The following FAM13A variants were observed in gnomAD, a reference collection of about 807,000 sequenced individuals.
FAM13A encodes the protein protein FAM13A.
FAM13A carries 76 observed loss-of-function variants against 129.6 expected under a neutral mutation model. That is an observed-to-expected ratio of 0.59 (90% confidence interval 0.49 to 0.71). The LOEUF is 0.71. Among genes scored for constraint, FAM13A ranks in the 30% least tolerant of loss-of-function variants. The pLI is 0.00. For synonymous variants in FAM13A, 443 were observed against 449.9 expected, an observed-to-expected ratio of 0.98 and a Z score of 0.20; for missense variants, 1,108 against 1,249.3, an observed-to-expected ratio of 0.89 and a Z score of 1.70.
chr4:88,840,817 T>G (rs1215133526), intron 7 of FAM13A, among the ~76,000 whole-genome samples: 1 of 152,196 alleles, frequency 6.6e-6, no homozygotes, highest in Admixed American at 6.5e-5. Flanking sequence ...GTGAGAATCC[T>G]AAATTAGTTT....
At chr4:89,039,785 C>T (rs1560916150) in intron 1 of FAM13A, among the ~76,000 whole-genome samples, 1 of 151,782 alleles carries the variant, frequency 6.6e-6, no homozygotes, top group Non-Finnish European at 1.5e-5. Context: ...CCCATCTCTA[C>T]CAAAAAAAAT....
intron 4 of FAM13A, among the ~76,000 whole-genome samples, chr4:88,968,575 G>GAT (rs1001654406): frequency 6.6e-6 from 1 of 152,064 alleles, no homozygotes; most frequent in Non-Finnish European, 1.5e-5. Flanking sequence ...TGCCCCAGAG[G>GAT]ATATACACTG....
chr4:88,796,662 G>C (rs1225384419), intron 8 of FAM13A, among the ~76,000 whole-genome samples: 1 of 149,974 alleles, frequency 6.7e-6, no homozygotes, highest in Non-Finnish European at 1.5e-5. Context: ...ATCTTTCTGT[G>C]CCACTTTGTT....
rs142651099 is a variant in FAM13A at position 88,830,866 on chromosome 4, A to G, written c.1007+20154T>C. ...ACGAACTGGCTCCAACATTTCAAAC[A>G]CAGAAAATAAGATTCAAAACATTCC... On this transcript the variant is annotated intron_variant, in intron 7 of 23. Coordinates refer to ENST00000264344, the MANE Select transcript of FAM13A (RefSeq NM_014883.4). 2.5e-3 allele frequency among the ~76,000 whole-genome samples: 384 copies of G among 152,292 alleles called. 1 individual carries two copies. Among genetic ancestry groups the G allele is most frequent in the African/African-American group, 8.7e-3 (361 of 41,570 alleles).
At chr4:88,924,867 A>G (rs1751821055) in intron 5 of FAM13A, among the ~76,000 whole-genome samples, 2 of 151,192 alleles carry the variant, frequency 1.3e-5, no homozygotes, top group African/African-American at 2.4e-5. Context: ...AGAAAAAAAC[A>G]AACAACCCCA....
At chr4:88,946,105 C>T (rs1398414368) in intron 4 of FAM13A, among the ~76,000 whole-genome samples, 1 of 147,640 alleles carries the variant, frequency 6.8e-6, no homozygotes, top group Non-Finnish European at 1.5e-5. Flanking sequence ...ACATGCCATA[C>T]CTTATTTGGA....
intron 20 of FAM13A, among the ~76,000 whole-genome samples, chr4:88,738,160 G>A (rs532288088): frequency 1.1e-4 from 16 of 152,234 alleles, no homozygotes; most frequent in African/African-American, 3.9e-4. Context: ...CAATATTCTA[G>A]GCCTAGAAAT....
At chr4:88,953,773 C>T (rs1423582147) in intron 4 of FAM13A, among the ~76,000 whole-genome samples, 2 of 152,176 alleles carry the variant, frequency 1.3e-5, no homozygotes, top group African/African-American at 4.8e-5. Context: ...CATCCCAAGG[C>T]TCATCCATTT....
chr4:88,734,491 G>A (rs921087244), intron 21 of FAM13A, among the ~76,000 whole-genome samples: 7 of 152,184 alleles, frequency 4.6e-5, no homozygotes, highest in African/African-American at 1.4e-4. Flanking sequence ...GTAACAAATT[G>A]GAAAAATTCA....
At chr4:88,972,779 G>GT (rs1337185421) in intron 4 of FAM13A, among the ~76,000 whole-genome samples, 1 of 152,030 alleles carries the variant, frequency 6.6e-6, no homozygotes, top group Non-Finnish European at 1.5e-5. Context: ...GCTAATTTTT[G>GT]TATTTTTTGG....
intron 3 of FAM13A, among the ~76,000 whole-genome samples, chr4:89,011,260 A>T (rs1365015480): frequency 6.6e-6 from 1 of 152,196 alleles, no homozygotes. Context: ...AATGATGACA[A>T]AGAAAGTATT....
At chr4:88,906,500 G>C (rs751762426) in intron 5 of FAM13A, 38 bp from the exon 6 acceptor site, 6 of 1,427,182 alleles carry the variant, frequency 4.2e-6, no homozygotes, top group Non-Finnish European at 5.8e-6. Context: ...AGAGATTAAA[G>C]AACACTTACC....
intron 6 of FAM13A, among the ~76,000 whole-genome samples, chr4:88,864,301 TGTTGGTGG>T (rs1379388157): frequency 6.6e-6 from 1 of 152,260 alleles, no homozygotes; most frequent in Non-Finnish European, 1.5e-5. Context: ...TAGATGTGGA[TGTTGGTGG>T]AACTTCAAAT....
At chr4:88,920,724 A>G (rs1319946931) in intron 5 of FAM13A, among the ~76,000 whole-genome samples, 1 of 152,238 alleles carries the variant, frequency 6.6e-6, no homozygotes, top group Non-Finnish European at 1.5e-5. Context: ...GAGTTGAGAG[A>G]AGAAGGCTTC....
At position 88,754,460 on chromosome 4, in the gene FAM13A, G is replaced by A. The variant is rs1418729616; in HGVS notation, c.1727-3823C>T. On this transcript the variant is annotated intron_variant, in intron 14 of 23. Coordinates refer to ENST00000264344, the MANE Select transcript of FAM13A (RefSeq NM_014883.4). ...ACAAAAGAAAACCGGGTACTGGGAT[G>A]ATTGATTTCTCAGAAATCTGCACAG... is the stretch of plus-strand genomic sequence containing the variant. Among the ~76,000 whole-genome samples, 3 of 152,194 alleles carry A rather than the reference G, an allele frequency of 2.0e-5. No homozygotes were observed. The East Asian group carries it at 5.8e-4, about 29-fold the overall frequency.
At chr4:88,762,870 TTC>T (rs1346798315) in intron 13 of FAM13A, among the ~76,000 whole-genome samples, 1 of 152,192 alleles carries the variant, frequency 6.6e-6, no homozygotes, top group African/African-American at 2.4e-5. Context: ...GTCTAATATC[TTC>T]TGTTAAATCA....
At chr4:88,974,929 TGTAATTCA>T (rs991646561) in intron 4 of FAM13A, among the ~76,000 whole-genome samples, 6 of 152,172 alleles carry the variant, frequency 3.9e-5, no homozygotes, top group African/African-American at 4.8e-5. Context: ...TTATCACAAC[TGTAATTCA>T]GTAATTACAT....
rs1734873778 is a variant in FAM13A, at chr4:88,836,751, G to A, written c.1007+14269C>T. Among the ~76,000 whole-genome samples the A allele has an allele frequency of 7.2e-5, 11 of 152,138 alleles. No homozygotes were observed. In the South Asian group the frequency reaches 2.3e-3, roughly 32 times the overall value. On this transcript the variant is annotated intron_variant, in intron 7 of 23. Transcript: ENST00000264344. Reference sequence around the variant, plus strand: ...GAGACGGGTGGATCACCTGAGGTCGGGAGTTTGAGACCAGCCTGACCAACA... The same window carrying A: ...GAGACGGGTGGATCACCTGAGGTCGAGAGTTTGAGACCAGCCTGACCAACA...
At chr4:88,962,616 C>T (rs114776367) in intron 4 of FAM13A, among the ~76,000 whole-genome samples, 2,230 of 151,938 alleles carry the variant, frequency 0.015, 59 homozygotes, top group African/African-American at 0.05. Flanking sequence ...GCGGGGAGAG[C>T]GAGAGAGAGA....
Sources: allele counts gnomAD v4.1 joint callset (sites outside exome capture counted in the v4.1 genomes callset), GRCh38; gene constraint gnomAD v4.1.1; transcripts MANE v1.5; gene names NCBI Gene and HGNC (gene_info 2026-07-23, HGNC 2026-07-21).